HIBADH: variants seen among roughly 807,000 people sequenced by gnomAD.
The protein encoded by HIBADH is 3-hydroxyisobutyrate dehydrogenase, mitochondrial.
HIBADH carries 25 observed loss-of-function variants against 36.1 expected under a neutral mutation model. The observed-to-expected ratio is 0.69, with a 90% CI of 0.50 to 0.97. The LOEUF (loss-of-function observed/expected upper bound fraction) is 0.97, where lower values mean the gene tolerates loss of function less well. Ranked by LOEUF, HIBADH falls within the 50% of genes least tolerant of loss-of-function variation. The pLI is 0.00. For missense variants in HIBADH, 421 were observed against 418.0 expected, an observed-to-expected ratio of 1.01 and a Z score of -0.06; for synonymous variants, 160 against 149.5, an observed-to-expected ratio of 1.07 and a Z score of -0.51.
At chr7:27,531,997 T>C (rs1053847134) in intron 6 of HIBADH, among the ~76,000 whole-genome samples, 11 of 152,198 alleles carry the variant, frequency 7.2e-5, no homozygotes, top group African/African-American at 1.9e-4. Flanking sequence ...TTGTGACATA[T>C]GCTATCTATT....
intron 3 of HIBADH, 68 bp from the exon 4 acceptor site, chr7:27,629,560 G>C (rs994277611): frequency 8.8e-7 from 1 of 1,137,446 alleles, no homozygotes; most frequent in East Asian, 2.7e-5. Flanking sequence ...ACTACCTACA[G>C]AATTAGAATC....
chr7:27,548,690 G>C (rs1272451652), intron 4 of HIBADH, among the ~76,000 whole-genome samples: 1 of 152,096 alleles, frequency 6.6e-6, no homozygotes, highest in Non-Finnish European at 1.5e-5. Flanking sequence ...TAAGGTCATG[G>C]TAGATATAAA....
chr7:27,551,668 G>A (rs1199305871), intron 4 of HIBADH, among the ~76,000 whole-genome samples: 1 of 152,064 alleles, frequency 6.6e-6, no homozygotes, highest in Non-Finnish European at 1.5e-5. Context: ...TTAGAAAGAA[G>A]GCTTCAAATC....
intron 4 of HIBADH, among the ~76,000 whole-genome samples, chr7:27,574,388 T>C (rs370186536): frequency 6.6e-6 from 1 of 152,048 alleles, no homozygotes; most frequent in East Asian, 1.9e-4. Flanking sequence ...ATGATGCTAA[T>C]TGTGTTATAA....
intron 4 of HIBADH, among the ~76,000 whole-genome samples, chr7:27,608,749 A>AT (rs1247566931): frequency 6.6e-6 from 1 of 152,238 alleles, no homozygotes; most frequent in East Asian, 1.9e-4. Context: ...CTTCAGATTT[A>AT]TTTGCTAAAT....
At chr7:27,583,621 C>G (rs1480392091) in intron 4 of HIBADH, among the ~76,000 whole-genome samples, 1 of 152,012 alleles carries the variant, frequency 6.6e-6, no homozygotes, top group Non-Finnish European at 1.5e-5. Flanking sequence ...AGATATTTAT[C>G]TACATCACTG....
At chr7:27,618,135 T>C (rs1365123249) in intron 4 of HIBADH, among the ~76,000 whole-genome samples, 1 of 152,176 alleles carries the variant, frequency 6.6e-6, no homozygotes, top group Non-Finnish European at 1.5e-5. Flanking sequence ...GCCTCTGTGA[T>C]CAAGCTCTCA....
At chr7:27,554,659 C>G (rs1342295687) in intron 4 of HIBADH, among the ~76,000 whole-genome samples, 2 of 152,058 alleles carry the variant, frequency 1.3e-5, no homozygotes, top group Non-Finnish European at 2.9e-5. Flanking sequence ...GGTAGGTATA[C>G]AGAAGTAATG....
At chr7:27,662,326 G>GT (rs772285966) in intron 1 of HIBADH, among the ~76,000 whole-genome samples, 10 of 152,262 alleles carry the variant, frequency 6.6e-5, no homozygotes, top group Non-Finnish European at 1.5e-4. Context: ...GGTCGCTGGG[G>GT]TGAGTGCGGG....
chr7:27,537,298 C>T (rs962434793), intron 6 of HIBADH, among the ~76,000 whole-genome samples: 4 of 152,110 alleles, frequency 2.6e-5, no homozygotes, highest in Non-Finnish European at 2.9e-5. Flanking sequence ...AACATGACAA[C>T]TTAATAGGTC....
intron 4 of HIBADH, among the ~76,000 whole-genome samples, chr7:27,580,064 A>T (rs1784767217): frequency 6.6e-6 from 1 of 152,232 alleles, no homozygotes; most frequent in African/African-American, 2.4e-5. Context: ...ATATAGAACT[A>T]AATTAAAATA....
At chr7:27,597,835 T>C (rs1248685145) in intron 4 of HIBADH, among the ~76,000 whole-genome samples, 2 of 152,206 alleles carry the variant, frequency 1.3e-5, no homozygotes, top group African/African-American at 4.8e-5. Flanking sequence ...TTTGATTACC[T>C]GTATTAGTAT....
intron 4 of HIBADH, among the ~76,000 whole-genome samples, chr7:27,573,430 C>T (rs1784657282): frequency 6.6e-6 from 1 of 152,128 alleles, no homozygotes; most frequent in African/African-American, 2.4e-5. Flanking sequence ...TATCTTTTTC[C>T]ATGCCCATCT....
intron 4 of HIBADH, among the ~76,000 whole-genome samples, chr7:27,616,911 A>G (rs1358144539): frequency 6.6e-6 from 1 of 152,248 alleles, no homozygotes; most frequent in African/African-American, 2.4e-5. Flanking sequence ...TTATTACAAG[A>G]GTCAGAAAGT....
At chr7:27,626,616 C>T (rs527383921) in intron 4 of HIBADH, among the ~76,000 whole-genome samples, 1 of 152,058 alleles carries the variant, frequency 6.6e-6, no homozygotes, top group Admixed American at 6.5e-5. Context: ...TAATACTTAC[C>T]AGGAAGTAGG....
rs933170763 is a variant in HIBADH at position 27,525,658 on chromosome 7, T to C, written c.*556A>G. On this transcript the variant is annotated 3_prime_UTR_variant, in exon 8 of 8. Transcript: ENST00000265395. ...GTTGGTGAGGGATATCCTACCATAT[T>C]GTGACGGAGTCCAAATAGAAAACAT... 3.3e-5 allele frequency: 5 copies of C among 152,234 alleles called. No individual in the cohort carries two copies. The highest frequency in any genetic ancestry group is 4.8e-5 in the African/African-American group (2 of 41,458). The allele number at this position is 152,234 out of a possible 1,614,324, so 9.4% of individuals were successfully genotyped here. A position where few individuals can be genotyped will look rare whatever the true frequency, so the allele number is the denominator to read the frequency against.
intron 4 of HIBADH, among the ~76,000 whole-genome samples, chr7:27,562,670 G>A (rs1784484842): frequency 6.6e-6 from 1 of 152,096 alleles, no homozygotes; most frequent in South Asian, 2.1e-4. Flanking sequence ...GTTGCCCAGG[G>A]TGGTCTCAAA....
chr7:27,628,160 A>G (rs1199406077), intron 4 of HIBADH, among the ~76,000 whole-genome samples: 1 of 152,092 alleles, frequency 6.6e-6, no homozygotes, highest in African/African-American at 2.4e-5. Context: ...ACTTTTAATC[A>G]AAGTACCTAT....
intron 4 of HIBADH, among the ~76,000 whole-genome samples, chr7:27,605,249 A>G (rs1041494161): frequency 1.3e-5 from 2 of 152,078 alleles, no homozygotes; most frequent in African/African-American, 4.8e-5. Context: ...TCACTGTTTT[A>G]AAATGAGCTG....
Sources: allele counts gnomAD v4.1 joint callset (sites outside exome capture counted in the v4.1 genomes callset), GRCh38; gene constraint gnomAD v4.1.1; transcripts MANE v1.5; gene names NCBI Gene and HGNC (gene_info 2026-07-23, HGNC 2026-07-21).